CYP4X1: variants seen among roughly 807,000 people sequenced by gnomAD.
CYP4X1 encodes the protein cytochrome P450 4X1.
In CYP4X1, 44 loss-of-function variants were observed where a neutral mutation model predicts 57.9. The observed-to-expected ratio is 0.76, with a 90% CI of 0.60 to 0.98. CYP4X1 has a LOEUF of 0.98. Among genes scored for constraint, CYP4X1 ranks in the 50% least tolerant of loss-of-function variants. The probability of loss-of-function intolerance (pLI) is 0.00; values close to 1 mark genes in which losing one functional copy is unlikely to be tolerated. For missense variants in CYP4X1, 532 were observed against 623.9 expected, an observed-to-expected ratio of 0.85 and a Z score of 1.57; for synonymous variants, 227 against 228.6, an observed-to-expected ratio of 0.99 and a Z score of 0.06.
At chr1:46,961,721 G>A in the CYP4X1 span, 2 of 1,306,208 alleles carry the variant, frequency 1.5e-6, no homozygotes, top group South Asian at 2.4e-5. Flanking sequence ...AGAACCTCAA[G>A]CCCTAATATG....
chr1:46,998,704 C>A, the CYP4X1 span, among the ~76,000 whole-genome samples: 1 of 152,064 alleles, frequency 6.6e-6, no homozygotes, highest in Non-Finnish European at 1.5e-5. Context: ...TTTATACTTT[C>A]ATGTCTCATA....
intron 2 of CYP4X1, among the ~76,000 whole-genome samples, chr1:47,031,091 A>G (rs1644119220): frequency 6.6e-6 from 1 of 152,182 alleles, no homozygotes; most frequent in Admixed American, 6.5e-5. Flanking sequence ...CTCTGCTCTG[A>G]TCGTTAATTT....
At chr1:47,016,417 C>G in the CYP4X1 span, among the ~76,000 whole-genome samples, 1 of 151,896 alleles carries the variant, frequency 6.6e-6, no homozygotes, top group Non-Finnish European at 1.5e-5. Flanking sequence ...TCTTGGCTCC[C>G]CACAAGCTCC....
upstream of CYP4X1, among the ~76,000 whole-genome samples, chr1:47,018,725 A>G (rs1336958264): frequency 6.6e-6 from 1 of 152,210 alleles, no homozygotes; most frequent in African/African-American, 2.4e-5. Flanking sequence ...TCTAGTCTTC[A>G]GTTTGCAGGG....
the CYP4X1 span, among the ~76,000 whole-genome samples, chr1:46,971,413 G>A: frequency 6.6e-6 from 1 of 152,136 alleles, no homozygotes; most frequent in Non-Finnish European, 1.5e-5. Flanking sequence ...TGATAGAATG[G>A]TTTATATTTC....
Position 47,033,216 on chromosome 1 carries a change from G to A in CYP4X1, c.365-25G>A, listed in dbSNP as rs1644142078. The A allele has an allele frequency of 1.9e-6, 3 of 1,608,502 alleles. No homozygotes were observed. In the Admixed American group the frequency reaches 5.1e-5, roughly 27 times the overall value. On this transcript the variant is annotated intron_variant, in intron 3 of 11. Transcript: ENST00000371901. ...CATCTCATCTAATTAAATGGCATAA[G>A]GTTTTCTGCCTTTTATTTCTCAAGG...
chr1:46,986,400 A>G, the CYP4X1 span, among the ~76,000 whole-genome samples: 8 of 152,212 alleles, frequency 5.3e-5, no homozygotes, highest in Non-Finnish European at 1.2e-4. Flanking sequence ...GACCAAACCT[A>G]TGTTTGATTG....
chr1:46,994,317 TG>T, the CYP4X1 span: 1 of 152,284 alleles, frequency 6.6e-6, no homozygotes, highest in African/African-American at 2.4e-5. Context: ...AGTACCATGC[TG>T]TTTTGATTAC....
At chr1:47,031,400 A>T (rs376677877) in intron 2 of CYP4X1, 36 bp from the exon 3 acceptor site, 2 of 1,611,514 alleles carry the variant, frequency 1.2e-6, no homozygotes, top group Non-Finnish European at 1.7e-6. Context: ...TGCTCCCTCT[A>T]ATGATGTCTT....
At chr1:46,967,290 C>T in the CYP4X1 span, among the ~76,000 whole-genome samples, 1 of 152,188 alleles carries the variant, frequency 6.6e-6, no homozygotes, top group South Asian at 2.1e-4. Context: ...GTGAGACCTC[C>T]AGACATTTAA....
chr1:47,022,390 A>G (rs1207309853), upstream of CYP4X1, among the ~76,000 whole-genome samples: 1 of 148,452 alleles, frequency 6.7e-6, no homozygotes, highest in Non-Finnish European at 1.5e-5. Flanking sequence ...TCTCGGGTTC[A>G]AGCGATTCTC....
At chr1:46,978,888 C>T in the CYP4X1 span, among the ~76,000 whole-genome samples, 25 of 151,964 alleles carry the variant, frequency 1.6e-4, no homozygotes, top group Non-Finnish European at 2.8e-4. Context: ...GGGTACATAA[C>T]GAAATGAAGG....
intron 10 of CYP4X1, 85 bp downstream of exon 10, chr1:47,048,714 T>C (rs1322580421): frequency 1.3e-5 from 16 of 1,278,318 alleles, no homozygotes; most frequent in Non-Finnish European, 1.7e-5. Context: ...GAAGTGGCTA[T>C]ATAATTAAGG....
intron 11 of CYP4X1, 80 bp downstream of exon 11, chr1:47,049,584 T>G: frequency 8.0e-7 from 1 of 1,250,530 alleles, no homozygotes; most frequent in Non-Finnish European, 1.2e-6. Context: ...TCCTCAGCTC[T>G]ATACATTCTT....
At chr1:46,979,108 C>T in the CYP4X1 span, among the ~76,000 whole-genome samples, 22 of 152,118 alleles carry the variant, frequency 1.4e-4, no homozygotes, top group Middle Eastern at 0.01. Flanking sequence ...TAGCAGAAGG[C>T]AAGAAATAAC....
chr1:46,963,808 A>C, the CYP4X1 span, among the ~76,000 whole-genome samples: 1 of 152,126 alleles, frequency 6.6e-6, no homozygotes, highest in East Asian at 1.9e-4. Flanking sequence ...CTAGATTGGG[A>C]AGTTCTCCTG....
chr1:46,993,577 C>A, the CYP4X1 span, among the ~76,000 whole-genome samples: 12 of 152,208 alleles, frequency 7.9e-5, no homozygotes, highest in Non-Finnish European at 1.5e-4. Context: ...TAGTTCTCCA[C>A]ATCCTTTCCA....
At position 47,029,978 on chromosome 1, in the gene CYP4X1, T is replaced by C; in HGVS notation, c.178-12T>C. 1 of 1,613,296 alleles carries C rather than the reference T, an allele frequency of 6.2e-7. No homozygotes were observed. The highest frequency in any genetic ancestry group is 1.3e-5 in the African/African-American group (1 of 75,002). ...CTTGGCTGGCTAATTACTTTTACTT[T>C]TTTCACTGCAGTTTATTCAGGATGA... On this transcript the variant is annotated splice_polypyrimidine_tract_variant and intron_variant, in intron 1 of 11. Coordinates refer to ENST00000371901, the MANE Select transcript of CYP4X1 (RefSeq NM_178033.2).
At chr1:47,036,370 T>TTATATACATATATATATA (rs1644182909) in intron 6 of CYP4X1, among the ~76,000 whole-genome samples, 199 bp downstream of exon 6, 4 of 129,824 alleles carry the variant, frequency 3.1e-5, no homozygotes, top group Non-Finnish European at 6.5e-5. Context: ...ATCAGAATTT[T>TTATATACATATATATATA]TATATATATA....
Sources: gnomAD v4.1 joint callset for allele counts (sites outside exome capture counted in the v4.1 genomes callset) on GRCh38, gnomAD v4.1.1 for gene constraint, MANE v1.5 for transcripts, NCBI Gene and HGNC (gene_info 2026-07-23, HGNC 2026-07-21) for gene names.